Variants in SOX6 observed in about 807,000 individuals in gnomAD.
SOX6 encodes the protein SRY-box transcription factor 6.
SOX6 carries 11 observed loss-of-function variants against 97.8 expected under a neutral mutation model. The ratio of observed to expected loss-of-function variants is 0.11; its 90% CI spans 0.07 to 0.19. SOX6 has a LOEUF of 0.19. SOX6 is among the 10% of genes least tolerant of loss of function. SOX6 has a pLI of 1.00. For missense variants in SOX6, 810 were observed against 1,039.5 expected (o/e 0.78, Z 3.04); for synonymous variants, 360 against 371.4 (o/e 0.97, Z 0.35).
intron 1 of SOX6, among the ~76,000 whole-genome samples, chr11:16,467,404 T>C (rs901554483): frequency 2.0e-5 from 3 of 152,308 alleles, no homozygotes; most frequent in Non-Finnish European, 2.9e-5. Flanking sequence ...CTATCAACGA[T>C]AGACTGAATA....
chr11:16,154,868 CA>C (rs1480914444), intron 6 of SOX6, among the ~76,000 whole-genome samples: 4 of 151,984 alleles, frequency 2.6e-5, no homozygotes, highest in African/African-American at 7.2e-5. Flanking sequence ...AGGGAGTGTT[CA>C]AATATTTGTA....
intron 4 of SOX6, among the ~76,000 whole-genome samples, chr11:16,589,848 T>C (rs560324288): frequency 2.0e-5 from 3 of 152,302 alleles, no homozygotes; most frequent in Admixed American, 2.0e-4. Context: ...ATGTTTAAAA[T>C]CATACAATGC....
intron 4 of SOX6, among the ~76,000 whole-genome samples, chr11:16,499,845 G>A (rs1860671363): frequency 6.6e-6 from 1 of 152,134 alleles, no homozygotes; most frequent in South Asian, 2.1e-4. Flanking sequence ...AAAAGTCCAG[G>A]ACCAGACGGA....
chr11:16,466,524 A>G (rs1860035427), intron 1 of SOX6, among the ~76,000 whole-genome samples: 1 of 152,148 alleles, frequency 6.6e-6, no homozygotes, highest in African/African-American at 2.4e-5. Flanking sequence ...CTATCGACAG[A>G]GTAAACAGAC....
At chr11:16,681,929 G>A (rs1390644584) in intron 3 of SOX6, among the ~76,000 whole-genome samples, 7 of 152,120 alleles carry the variant, frequency 4.6e-5, no homozygotes, top group African/African-American at 1.2e-4. Flanking sequence ...TTGAATCTCC[G>A]AATAGACCAA....
chr11:16,109,959 C>A (rs1226179205), intron 7 of SOX6, among the ~76,000 whole-genome samples: 6 of 152,124 alleles, frequency 3.9e-5, no homozygotes, highest in Non-Finnish European at 5.9e-5. Context: ...GCCCTTTGTT[C>A]AATAGAAGTA....
At chr11:16,255,415 C>T (rs959599106) in intron 3 of SOX6, among the ~76,000 whole-genome samples, 3 of 152,174 alleles carry the variant, frequency 2.0e-5, no homozygotes, top group Admixed American at 6.5e-5. Context: ...TCTCAAACCA[C>T]AATGGTTTTA....
At chr11:15,987,079 T>C (rs565389789) in intron 14 of SOX6, among the ~76,000 whole-genome samples, 32 of 152,358 alleles carry the variant, frequency 2.1e-4, no homozygotes, top group African/African-American at 7.0e-4. Flanking sequence ...ATACGGTTTA[T>C]ACAGGAAGAA....
At chr11:16,337,743 G>A (rs1856506886) in intron 2 of SOX6, among the ~76,000 whole-genome samples, 1 of 152,066 alleles carries the variant, frequency 6.6e-6, no homozygotes. Context: ...AGGTAATTAT[G>A]ATTAAAATCA....
At chr11:16,222,130 C>T (rs996221619) in intron 4 of SOX6, among the ~76,000 whole-genome samples, 8 of 152,118 alleles carry the variant, frequency 5.3e-5, no homozygotes, top group Non-Finnish European at 7.4e-5. Context: ...GAAACAGATA[C>T]GAGTCCAACA....
chr11:16,041,927 G>C (rs1310172873), intron 12 of SOX6, among the ~76,000 whole-genome samples: 1 of 152,146 alleles, frequency 6.6e-6, no homozygotes, highest in African/African-American at 2.4e-5. Flanking sequence ...TCATTCACTA[G>C]TGGAGAGTAT....
intron 2 of SOX6, among the ~76,000 whole-genome samples, chr11:16,727,889 A>T (rs1417173053): frequency 6.6e-6 from 1 of 152,246 alleles, no homozygotes; most frequent in East Asian, 1.9e-4. Flanking sequence ...TTACCCACTA[A>T]TTTAAACTCA....
At chr11:16,368,988 CATT>C (rs1250175050) in intron 1 of SOX6, among the ~76,000 whole-genome samples, 1 of 152,032 alleles carries the variant, frequency 6.6e-6, no homozygotes, top group Non-Finnish European at 1.5e-5. Flanking sequence ...GTAATTCCAT[CATT>C]GAGGGAGGTA....
At chr11:16,213,333 T>C (rs1852279572) in intron 4 of SOX6, among the ~76,000 whole-genome samples, 1 of 152,148 alleles carries the variant, frequency 6.6e-6, no homozygotes, top group East Asian at 1.9e-4. Context: ...TCTTCTTCTT[T>C]AGTATTTTCC....
chr11:16,327,966 T>C (rs1856152398), intron 2 of SOX6, among the ~76,000 whole-genome samples: 1 of 152,198 alleles, frequency 6.6e-6, no homozygotes. Flanking sequence ...GTAGCAAGAA[T>C]GAATTAAATC....
rs1853363763 is a variant in SOX6, at chr11:15,973,013, G to C, written c.2283C>G (p.Asp761Glu). 6.2e-7 allele frequency: 1 copy of C among 1,614,046 alleles called. No homozygotes were observed. The highest frequency in any genetic ancestry group is 1.3e-5 in the African/African-American group (1 of 74,934). Residue 761 changes from aspartate (D) to glutamate (E), a missense_variant, in exon 16 of 16, where the codon GAC becomes GAG. Transcript: ENST00000683767. ...TTTPSPQMTS[D>E]CSSTSASPEP... ...CCGGGCTGGCCGAGGTGCTAGAGCAGTCAGATGTCATCTGAGGCGATGGTG... is the reference window on the plus strand; with the variant it reads ...CCGGGCTGGCCGAGGTGCTAGAGCACTCAGATGTCATCTGAGGCGATGGTG...
chr11:16,379,401 G>T (rs1403108435), intron 1 of SOX6, among the ~76,000 whole-genome samples: 1 of 152,062 alleles, frequency 6.6e-6, no homozygotes, highest in Non-Finnish European at 1.5e-5. Flanking sequence ...GGGAGGCAGA[G>T]GTTGTGGTGA....
intron 13 of SOX6, among the ~76,000 whole-genome samples, chr11:16,000,431 G>A (rs1287498234): frequency 1.3e-5 from 2 of 152,088 alleles, no homozygotes; most frequent in African/African-American, 2.4e-5. Context: ...CTTAAGGTAG[G>A]CAAATGCAAA....
At chr11:16,383,220 C>T (rs936597361) in intron 1 of SOX6, among the ~76,000 whole-genome samples, 2 of 151,812 alleles carry the variant, frequency 1.3e-5, no homozygotes, top group Admixed American at 1.3e-4. Context: ...TAGACTCTTC[C>T]ACACTTATGT....
Sources: allele counts gnomAD v4.1 joint callset (sites outside exome capture counted in the v4.1 genomes callset), GRCh38; gene constraint gnomAD v4.1.1; transcripts MANE v1.5; gene names NCBI Gene and HGNC (gene_info 2026-07-23, HGNC 2026-07-21).